DNAJC1: variants seen among roughly 807,000 people sequenced by gnomAD.
DNAJC1 encodes the protein DnaJ heat shock protein family (Hsp40) member C1, also known as dnaJ homolog subfamily C member 1.
Under a neutral mutation model 76.6 loss-of-function variants are expected in DNAJC1, and 58 were observed. The ratio of observed to expected loss-of-function variants is 0.76; its 90% CI spans 0.61 to 0.94. The LOEUF is 0.94. DNAJC1 is among the 40% of genes least tolerant of loss of function. DNAJC1 has a pLI of 0.00. For missense variants in DNAJC1, 689 were observed against 677.3 expected (o/e 1.02, Z -0.19); for synonymous variants, 258 against 267.9 (o/e 0.96, Z 0.36).
intron 8 of DNAJC1, among the ~76,000 whole-genome samples, chr10:21,842,423 G>A (rs1835589380): frequency 6.6e-6 from 1 of 152,142 alleles, no homozygotes; most frequent in Non-Finnish European, 1.5e-5. Flanking sequence ...GGATAAACTG[G>A]ACTTGTAAAA....
In DNAJC1 at chr10:21,827,860, T is replaced by C. The variant is rs542063387; in HGVS notation, c.979-21761A>G. ...CATCATTATTCTCCTTTTGGACTCT[T>C]AGGTTGTTTAAAATTTTTCACTACT... On this transcript the variant is annotated intron_variant, in intron 8 of 11. Transcript: ENST00000376980. Among the ~76,000 whole-genome samples the C allele has an allele frequency of 8.5e-5, 13 of 152,348 alleles. No homozygotes were observed. The South Asian group carries it at 1.7e-3, about 19-fold the overall frequency.
chr10:21,813,954 C>G (rs897985276), intron 8 of DNAJC1, among the ~76,000 whole-genome samples: 1 of 152,182 alleles, frequency 6.6e-6, no homozygotes, highest in African/African-American at 2.4e-5. Context: ...ACCCAGGAGT[C>G]TCATGTCTTC....
intron 1 of DNAJC1, among the ~76,000 whole-genome samples, chr10:21,967,454 TTC>T (rs991862612): frequency 1.3e-5 from 2 of 152,338 alleles, no homozygotes; most frequent in Non-Finnish European, 2.9e-5. Flanking sequence ...TCCTCTGTTT[TTC>T]CTGTCCCAGA....
intron 8 of DNAJC1, among the ~76,000 whole-genome samples, chr10:21,823,528 T>C (rs1029769642): frequency 3.3e-5 from 5 of 151,724 alleles, no homozygotes; most frequent in African/African-American, 4.9e-5. Context: ...AAAGTTATTG[T>C]CATATTTTCT....
intron 9 of DNAJC1, among the ~76,000 whole-genome samples, chr10:21,793,581 C>G (rs1159242218): frequency 6.6e-6 from 1 of 152,170 alleles, no homozygotes; most frequent in Non-Finnish European, 1.5e-5. Context: ...TCCACAGGCT[C>G]CAAAACCCAG....
rs118055396 is a variant in DNAJC1, at chr10:21,765,400, T to G, written c.1147+861A>C. Among the ~76,000 whole-genome samples, 51 of 152,222 alleles carry G rather than the reference T, an allele frequency of 3.4e-4. No homozygotes were observed. In the East Asian group the frequency reaches 8.7e-3, roughly 26 times the overall value. On this transcript the variant is annotated intron_variant, in intron 10 of 11. Coordinates refer to ENST00000376980, the MANE Select transcript of DNAJC1 (RefSeq NM_022365.4). ...TTTTGAGATCTCTGGGTTTGCTAAT[T>G]GTTGGCTTGTTCATCTGCATTACTC... is the stretch of plus-strand genomic sequence containing the variant.
chr10:22,003,304 G>C lies in DNAJC1; in HGVS notation c.131C>G (p.Pro44Arg). Residue 44 changes from proline to arginine, a missense_variant, in exon 1 of 12, where the codon CCG (proline) becomes CGG (arginine). Pro to Arg is a moderately radical substitution (Grantham distance 103, BLOSUM62 -2). Transcript: ENST00000376980. Reference sequence around the variant, plus strand: ...GTCTCCGCTCTCCCAGCCGCGCGCCGGCGCCACGGCGGCCAGCAGCAGCAG... The same window carrying C: ...GTCTCCGCTCTCCCAGCCGCGCGCCCGCGCCACGGCGGCCAGCAGCAGCAG... ...LLLLLLAAVAPARGWESGDLE... is the reference protein window; with the variant it reads ...LLLLLLAAVARARGWESGDLE... 3 of 1,526,128 alleles carry C rather than the reference G, an allele frequency of 2.0e-6. No homozygotes were observed. The African/African-American group carries it at 4.3e-5, about 22-fold the overall frequency. The allele number at this position is 1,526,128 out of a possible 1,614,324, so 94.5% of individuals were successfully genotyped here. A position where few individuals can be genotyped will look rare whatever the true frequency, so the allele number is the denominator to read the frequency against.
chr10:21,947,653 G>C (rs1029159276), intron 1 of DNAJC1, among the ~76,000 whole-genome samples: 2 of 152,150 alleles, frequency 1.3e-5, no homozygotes, highest in Non-Finnish European at 1.5e-5. Flanking sequence ...ACTTTCCACT[G>C]TGCTGGGGGA....
intron 1 of DNAJC1, among the ~76,000 whole-genome samples, chr10:21,952,145 T>G (rs1318008275): frequency 1.3e-5 from 2 of 152,204 alleles, no homozygotes; most frequent in African/African-American, 4.8e-5. Flanking sequence ...TCTGTTTTAG[T>G]AAGGTTTTTG....
intron 9 of DNAJC1, among the ~76,000 whole-genome samples, chr10:21,777,231 G>A (rs1048580987): frequency 3.9e-5 from 6 of 152,126 alleles, no homozygotes; most frequent in Non-Finnish European, 8.8e-5. Context: ...GTAAGATATA[G>A]GGCTCTGATG....
In DNAJC1 at chr10:22,003,621, G is replaced by C; in HGVS notation, c.-187C>G. 1.6e-6 allele frequency: 1 copy of C among 626,208 alleles called. No homozygotes were observed. The highest frequency in any genetic ancestry group is 2.3e-6 in the Non-Finnish European group (1 of 433,244). 38.8% of individuals were successfully genotyped at this position (626,208 alleles called of 1,614,324 possible). ...GGCGGCGGGAGCCGGCTGCCGGACG[G>C]GCGGGTGGGTAGGCGGGCGGGGCCG... On this transcript the variant is annotated 5_prime_UTR_variant, in exon 1 of 12. Transcript: ENST00000376980.
intron 8 of DNAJC1, among the ~76,000 whole-genome samples, chr10:21,879,378 C>T (rs1836235389): frequency 6.6e-6 from 1 of 152,138 alleles, no homozygotes; most frequent in South Asian, 2.1e-4. Flanking sequence ...AATCCCAGCA[C>T]TTTAGGAGGC....
chr10:21,952,132 T>C (rs938936761), intron 1 of DNAJC1, among the ~76,000 whole-genome samples: 1 of 152,216 alleles, frequency 6.6e-6, no homozygotes, highest in African/African-American at 2.4e-5. Context: ...TACTGGCAAC[T>C]ACTCTGTTTT....
chr10:21,982,712 T>C (rs1205201981), intron 1 of DNAJC1, among the ~76,000 whole-genome samples: 1 of 146,106 alleles, frequency 6.8e-6, no homozygotes, highest in Non-Finnish European at 1.5e-5. Flanking sequence ...TTAGGATAGC[T>C]ATCATAAAAA....
intron 7 of DNAJC1, among the ~76,000 whole-genome samples, chr10:21,903,977 T>C (rs1305363232): frequency 6.6e-6 from 1 of 152,126 alleles, no homozygotes; most frequent in East Asian, 1.9e-4. Flanking sequence ...GCTGAGAAAA[T>C]ACCTTTTTAC....
At chr10:21,979,909 A>G (rs147474027) in intron 1 of DNAJC1, among the ~76,000 whole-genome samples, 10 of 152,058 alleles carry the variant, frequency 6.6e-5, no homozygotes, top group Admixed American at 2.0e-4. Context: ...TCAAAACTGC[A>G]TATGTCTGCT....
intron 6 of DNAJC1, among the ~76,000 whole-genome samples, chr10:21,909,634 T>C (rs892050353): frequency 6.6e-6 from 1 of 152,246 alleles, no homozygotes; most frequent in Non-Finnish European, 1.5e-5. Flanking sequence ...TGTTTCCCTA[T>C]ATTCCGCTGT....
At chr10:21,998,497 A>T (rs1429923512) in intron 1 of DNAJC1, among the ~76,000 whole-genome samples, 1 of 151,960 alleles carries the variant, frequency 6.6e-6, no homozygotes, top group Non-Finnish European at 1.5e-5. Flanking sequence ...CTGTGCAGGA[A>T]CCTATAATTT....
chr10:21,841,688 A>G (rs910629719), intron 8 of DNAJC1, among the ~76,000 whole-genome samples: 13 of 152,226 alleles, frequency 8.5e-5, no homozygotes, highest in African/African-American at 2.9e-4. Flanking sequence ...TGTGGAAGTC[A>G]GTGTGGCGAT....
Sources: allele counts gnomAD v4.1 joint callset (sites outside exome capture counted in the v4.1 genomes callset), GRCh38; gene constraint gnomAD v4.1.1; transcripts MANE v1.5; gene names NCBI Gene and HGNC (gene_info 2026-07-23, HGNC 2026-07-21).